Variants in SAE1 observed in about 807,000 individuals in gnomAD.
SAE1 encodes the protein SUMO1 activating enzyme subunit 1.
Under a neutral mutation model 40.6 loss-of-function variants are expected in SAE1, and 11 were observed. The observed-to-expected ratio is 0.27, with a 90% CI of 0.17 to 0.45. SAE1 has a LOEUF of 0.45. Among genes scored for constraint, SAE1 ranks in the 20% least tolerant of loss-of-function variants. The pLI is 1.00. For synonymous variants in SAE1, 155 were observed against 154.3 expected (o/e 1.00, Z -0.03); for missense variants, 373 against 427.3 (o/e 0.87, Z 1.12).
At chr19:47,172,333 G>A (rs2058439791) in intron 6 of SAE1, among the ~76,000 whole-genome samples, 1 of 152,186 alleles carries the variant, frequency 6.6e-6, no homozygotes, top group South Asian at 2.1e-4. Context: ...TCTTGATAGT[G>A]GGATCAGGTG....
In SAE1 at chr19:47,143,499, G is replaced by A. The variant is rs1428660275; in HGVS notation, c.104G>A (p.Arg35Gln). The part of the protein sequence containing the change: ...LWGLEAQKRL[R>Q]ASRVLLVGLK... ...TAACAATGTTTGTCTTACAGGCTGC[G>A]GGCCTCTCGGGTGCTTCTTGTCGGC... is the stretch of plus-strand genomic sequence containing the variant. Residue 35 changes from arginine to glutamine, a missense_variant, in exon 2 of 9, where the codon CGG (arginine) becomes CAG (glutamine). Arg to Gln is a conservative substitution (Grantham distance 43). Around this residue, in one of 3 missense-constraint regions of SAE1, gnomAD observed 351 missense variants for 390.6 expected, o/e 0.90. Transcript: ENST00000270225. The A allele has an allele frequency of 1.5e-5, 24 of 1,612,998 alleles. No individual in the cohort carries two copies. The highest frequency in any genetic ancestry group is 2.2e-5 in the South Asian group (2 of 91,056).
At chr19:47,176,307 T>A (rs1840783058) in intron 6 of SAE1, among the ~76,000 whole-genome samples, 1 of 152,232 alleles carries the variant, frequency 6.6e-6, no homozygotes, top group South Asian at 2.1e-4. Flanking sequence ...GTGCTTGGAA[T>A]TTGTTTCCAA....
rs575134043 is a variant in SAE1 at position 47,199,880 on chromosome 19, G to A, written c.878+2503G>A. On this transcript the variant is annotated intron_variant, in intron 7 of 8. Transcript: ENST00000270225. Reference sequence around the variant, plus strand: ...CAGTGTCATCAGCCGCTGACCTCACGGTGCTGATGTTACAAAGGCACCTTG... The same window carrying A: ...CAGTGTCATCAGCCGCTGACCTCACAGTGCTGATGTTACAAAGGCACCTTG... Among the ~76,000 whole-genome samples the A allele has an allele frequency of 6.6e-5, 10 of 152,054 alleles. No individual in the cohort carries two copies. The East Asian group carries it at 1.7e-3, about 26-fold the overall frequency.
chr19:47,155,530 G>A (rs1391810534), intron 5 of SAE1, among the ~76,000 whole-genome samples: 1 of 151,782 alleles, frequency 6.6e-6, no homozygotes, highest in Non-Finnish European at 1.5e-5. Context: ...GCATGATCTC[G>A]GCTCACTACA....
intron 5 of SAE1, among the ~76,000 whole-genome samples, chr19:47,166,156 C>T (rs1452165770): frequency 6.6e-6 from 1 of 152,162 alleles, no homozygotes; most frequent in Non-Finnish European, 1.5e-5. Context: ...GTCACAATGT[C>T]TGAATGCTTA....
intron 1 of SAE1, among the ~76,000 whole-genome samples, chr19:47,136,433 C>T (rs1047431883): frequency 6.6e-6 from 1 of 152,078 alleles, no homozygotes; most frequent in African/African-American, 2.4e-5. Context: ...CCACCACACC[C>T]AGCCTGATTT....
intron 1 of SAE1, among the ~76,000 whole-genome samples, chr19:47,142,038 CCT>C (rs1392891560): frequency 1.3e-5 from 2 of 152,238 alleles, no homozygotes; most frequent in East Asian, 3.9e-4. Context: ...GATGGCCTGA[CCT>C]CTGATTGCCT....
intron 1 of SAE1, among the ~76,000 whole-genome samples, chr19:47,137,275 C>A (rs1052302485): frequency 6.6e-6 from 1 of 152,068 alleles, no homozygotes; most frequent in Non-Finnish European, 1.5e-5. Flanking sequence ...GTAATCCCAA[C>A]TACTTGGGAG....
chr19:47,145,957 C>T (rs1206446126), intron 2 of SAE1, among the ~76,000 whole-genome samples: 11 of 128,540 alleles, frequency 8.6e-5, no homozygotes, highest in African/African-American at 2.4e-4. Context: ...TTTTTTTTTC[C>T]GGAAACCATA....
chr19:47,176,246 A>G (rs2058468033), intron 6 of SAE1, among the ~76,000 whole-genome samples: 1 of 152,204 alleles, frequency 6.6e-6, no homozygotes, highest in Non-Finnish European at 1.5e-5. Context: ...ATGTACCGTC[A>G]TCTATGACCA....
chr19:47,155,080 T>A (rs2058312950), intron 4 of SAE1, 34 bp from the exon 5 acceptor site: 1 of 1,314,560 alleles, frequency 7.6e-7, no homozygotes, highest in Non-Finnish European at 1.1e-6. Flanking sequence ...ATTCCTAGGG[T>A]AAAATTACAT....
chr19:47,174,970 A>G (rs1417354387), intron 6 of SAE1, among the ~76,000 whole-genome samples: 1 of 152,032 alleles, frequency 6.6e-6, no homozygotes, highest in South Asian at 2.1e-4. Flanking sequence ...CGGTCTCCCA[A>G]AGTGCTGAGA....
chr19:47,169,993 G>A lies in SAE1; in HGVS notation c.733+70G>A, dbSNP rs541682470. On this transcript the variant is annotated intron_variant, in intron 6 of 8. Transcript: ENST00000270225. ...TGATTTCTGCAAATGTGGTTGCAAG[G>A]TCCAGATGGTTTTGTGATGTTTGCC... 1.1e-5 allele frequency: 13 copies of A among 1,148,414 alleles called. No individual in the cohort carries two copies. The African/African-American group carries it at 1.8e-4, about 16-fold the overall frequency. The allele number at this position is 1,148,414 out of a possible 1,614,324, so 71.1% of individuals were successfully genotyped here.
In SAE1 at chr19:47,152,578, AT is replaced by A. The variant is rs201802562; in HGVS notation, c.385-312del. Among the ~76,000 whole-genome samples the A allele has an allele frequency of 1.9e-4, 29 of 152,068 alleles. 1 individual carries two copies. The highest frequency in any genetic ancestry group is 5.9e-5 in the Non-Finnish European group (4 of 68,014). The stretch of plus-strand genomic sequence containing the variant: ...CAGTATAGAAACAACTTGCTAAGTT[AT>A]TTTTTTTATGAGAACTATGAAATGT... On this transcript the variant is annotated intron_variant, in intron 3 of 8. Transcript: ENST00000270225.
At chr19:47,131,069 G>A in intron 1 of SAE1, 41 bp downstream of exon 1, 1 of 1,497,556 alleles carries the variant, frequency 6.7e-7, no homozygotes, top group Non-Finnish European at 8.9e-7. Flanking sequence ...GGTCTGGAGG[G>A]GGCGTCTATT....
chr19:47,131,055 C>T (rs879743914), intron 1 of SAE1, 27 bp downstream of exon 1: 4 of 1,514,602 alleles, frequency 2.6e-6, no homozygotes, highest in Non-Finnish European at 3.5e-6. Flanking sequence ...CTTGAGGCCG[C>T]TAGGGTCTGG....
rs200468247 is a variant in SAE1, at chr19:47,198,114, C to CT, written c.878+749dup. 7.4e-3 allele frequency among the ~76,000 whole-genome samples: 1,081 copies of CT among 146,082 alleles called. 6 individuals carry two copies. The highest frequency in any genetic ancestry group is 0.012 in the African/African-American group (488 of 40,112). Reference sequence around the variant, plus strand: ...TGACTAGGTCACAATCTCTCTCTCTCTTTTTTTTTTTTGAGACAGAGTTTT... The same window carrying CT: ...TGACTAGGTCACAATCTCTCTCTCTCTTTTTTTTTTTTTGAGACAGAGTTTT... On this transcript the variant is annotated intron_variant, in intron 7 of 8. Coordinates refer to ENST00000270225, the MANE Select transcript of SAE1 (RefSeq NM_005500.3).
chr19:47,138,027 C>G (rs2058193051), intron 1 of SAE1, among the ~76,000 whole-genome samples: 2 of 151,198 alleles, frequency 1.3e-5, no homozygotes, highest in African/African-American at 4.9e-5. Context: ...CTACACCCGG[C>G]CTATGTGTGT....
intron 3 of SAE1, among the ~76,000 whole-genome samples, 197 bp downstream of exon 3, chr19:47,150,572 T>C (rs1447766692): frequency 6.6e-6 from 1 of 152,226 alleles, no homozygotes; most frequent in Non-Finnish European, 1.5e-5. Flanking sequence ...GTCCAGTCTG[T>C]TGCATCTGCT....
Sources: gnomAD v4.1 joint callset for allele counts (sites outside exome capture counted in the v4.1 genomes callset) on GRCh38, gnomAD v4.1.1 for gene constraint, gnomAD v4.1.1 regional missense constraint, MANE v1.5 for transcripts, NCBI Gene and HGNC (gene_info 2026-07-23, HGNC 2026-07-21) for gene names.